TENT5C: variants seen among roughly 807,000 people sequenced by gnomAD.
TENT5C encodes the protein terminal nucleotidyltransferase 5C.
A neutral mutation model predicts 22.2 loss-of-function variants in TENT5C; 5 were observed. The ratio of observed to expected loss-of-function variants is 0.22; its 90% CI spans 0.12 to 0.47. TENT5C has a LOEUF of 0.47. TENT5C is among the 20% of genes least tolerant of loss of function. TENT5C has a pLI of 0.99. For synonymous variants in TENT5C, 199 were observed against 195.4 expected, an observed-to-expected ratio of 1.02 and a Z score of -0.15; for missense variants, 364 against 500.9, an observed-to-expected ratio of 0.73 and a Z score of 2.61.
intron 1 of TENT5C, among the ~76,000 whole-genome samples, chr1:117,608,094 A>C (rs1341114375): frequency 6.6e-6 from 1 of 150,686 alleles, no homozygotes; most frequent in Non-Finnish European, 1.5e-5. Flanking sequence ...AAAAAAAAAA[A>C]CTCTGCCAGG....
At position 117,609,872 on chromosome 1, in the gene TENT5C, C is replaced by A. The variant is rs75193537; in HGVS notation, c.-28+3719C>A. Among the ~76,000 whole-genome samples the A allele has an allele frequency of 3.3e-5, 5 of 152,022 alleles. No homozygotes were observed. The South Asian group carries it at 1.0e-3, about 32-fold the overall frequency. On this transcript the variant is annotated intron_variant, in intron 1 of 1. Transcript: ENST00000369448. The stretch of plus-strand genomic sequence containing the variant: ...TGAAGTGGGAGTTCTCTTGGTGGAC[C>A]GAGGCAGGCAGGCCAATGGCTGAGT...
rs984469565 is a variant in TENT5C, at chr1:117,625,861, A to G, written c.*1817A>G. 4.0e-6 allele frequency: 1 copy of G among 247,988 alleles called. No individual in the cohort carries two copies. Among genetic ancestry groups the G allele is most frequent in the African/African-American group, 2.2e-5 (1 of 45,346 alleles). The allele number at this position is 247,988 out of a possible 1,614,324, so 15.4% of individuals were successfully genotyped here. On this transcript the variant is annotated 3_prime_UTR_variant, in exon 2 of 2. Transcript: ENST00000369448. ...CTATGTTGTGCTACATTAGGTGACT[A>G]GAAGCCACTTCTTAGTGTAATCAGC... is the stretch of plus-strand genomic sequence containing the variant.
intron 1 of TENT5C, among the ~76,000 whole-genome samples, chr1:117,611,603 G>T (rs1653672831): frequency 6.6e-6 from 1 of 152,202 alleles, no homozygotes; most frequent in South Asian, 2.1e-4. Flanking sequence ...GACTTTGGGA[G>T]GCTGAGGCAG....
intron 1 of TENT5C, among the ~76,000 whole-genome samples, chr1:117,614,290 G>A (rs1653729783): frequency 6.6e-6 from 1 of 152,200 alleles, no homozygotes; most frequent in Non-Finnish European, 1.5e-5. Flanking sequence ...TATCCATGTT[G>A]ACCCTGGTTT....
Position 117,627,968 on chromosome 1 carries a change from G to C in TENT5C, c.*3924G>C, listed in dbSNP as rs1173885316. The C allele has an allele frequency of 4.0e-6, 1 of 247,972 alleles. No individual in the cohort carries two copies. The highest frequency in any genetic ancestry group is 2.2e-5 in the African/African-American group (1 of 45,310). 15.4% of individuals were successfully genotyped at this position (247,972 alleles called of 1,614,324 possible). A position where few individuals can be genotyped will look rare whatever the true frequency, so the allele number is the denominator to read the frequency against. On this transcript the variant is annotated 3_prime_UTR_variant, in exon 2 of 2. Transcript: ENST00000369448. ...CTTGGAGTTTTGCCTGGGCTAGTGA[G>C]AGTTGGTGCAAATTCTTGTGTGTGT...
In TENT5C at chr1:117,623,697, G is replaced by A; in HGVS notation, c.829G>A (p.Asp277Asn). The A allele has an allele frequency of 1.2e-6, 2 of 1,614,062 alleles. No individual in the cohort carries two copies. The highest frequency in any genetic ancestry group is 1.7e-6 in the Non-Finnish European group (2 of 1,180,016). The change falls in exon 2 of 2, where the codon GAC becomes AAC. Residue 277 changes from aspartate (D) to asparagine (N), a missense_variant. Asp to Asn is a conservative substitution (Grantham distance 23). Coordinates refer to ENST00000369448, the MANE Select transcript of TENT5C (RefSeq NM_017709.4). ...CTACATGTGCTCCAGGTTCTTCATC[G>A]ACTTCCCGGACATCCTTGAACAGCA... ...ERYMCSRFFI[D>N]FPDILEQQRK...
chr1:117,624,772 AAATGTGG>A lies in TENT5C; in HGVS notation c.*731_*737del, dbSNP rs1342379122. The A allele has an allele frequency of 1.6e-5, 4 of 248,016 alleles. No individual in the cohort carries two copies. Among genetic ancestry groups the A allele is most frequent in the Non-Finnish European group, 3.4e-5 (4 of 118,132 alleles). 15.4% of individuals were successfully genotyped at this position (248,016 alleles called of 1,614,324 possible). A position where few individuals can be genotyped will look rare whatever the true frequency, so the allele number is the denominator to read the frequency against. On this transcript the variant is annotated 3_prime_UTR_variant, in exon 2 of 2. Transcript: ENST00000369448. ...TGAAATGTAACTTGAAAACAAAATA[AAATGTGG>A]AACATAATGTTTAATTAGAATTGTG...
intron 1 of TENT5C, among the ~76,000 whole-genome samples, chr1:117,616,053 C>T (rs950031982): frequency 6.6e-6 from 1 of 152,198 alleles, no homozygotes; most frequent in Non-Finnish European, 1.5e-5. Flanking sequence ...TCCGTGTCCA[C>T]CTCCCATCCA....
In TENT5C at chr1:117,625,963, C is replaced by T. The variant is rs1006303016; in HGVS notation, c.*1919C>T. The T allele has an allele frequency of 4.0e-6, 1 of 247,826 alleles. No individual in the cohort carries two copies. The allele number at this position is 247,826 out of a possible 1,614,324, so 15.4% of individuals were successfully genotyped here. A position where few individuals can be genotyped will look rare whatever the true frequency, so the allele number is the denominator to read the frequency against. ...AAGGCCGGTTCTAATTGAGGGGACC[C>T]AGTGTGCTTCAGTGTTAAGAGTGGG... On this transcript the variant is annotated 3_prime_UTR_variant, in exon 2 of 2. Coordinates refer to ENST00000369448, the MANE Select transcript of TENT5C (RefSeq NM_017709.4).
In TENT5C at chr1:117,623,883, C is replaced by A. The variant is rs865949572; in HGVS notation, c.1015C>A (p.Arg339Ser). The change falls in exon 2 of 2, where the codon CGT (arginine) becomes AGT (serine). Residue 339 changes from arginine (R) to serine (S), a missense_variant. By Grantham distance (110) the Arg-to-Ser change is moderately radical (BLOSUM62 -1). Around this residue, in one of 3 missense-constraint regions of TENT5C, gnomAD observed 54 missense variants for 76.5 expected, o/e 0.71. Coordinates refer to ENST00000369448, the MANE Select transcript of TENT5C (RefSeq NM_017709.4). ...TLNLISLLAL[R>S]VLAEQNIIPS... Reference sequence around the variant, plus strand: ...GAACCTCATCTCCCTCCTGGCCTTGCGTGTGCTGGCGGAACAAAACATCAT... The same window carrying A: ...GAACCTCATCTCCCTCCTGGCCTTGAGTGTGCTGGCGGAACAAAACATCAT... The A allele has an allele frequency of 1.2e-6, 2 of 1,614,030 alleles. No individual in the cohort carries two copies. The highest frequency in any genetic ancestry group is 1.7e-5 in the Admixed American group (1 of 59,996).
At chr1:117,616,826 T>C (rs1002691918) in intron 1 of TENT5C, among the ~76,000 whole-genome samples, 1 of 152,238 alleles carries the variant, frequency 6.6e-6, no homozygotes, top group African/African-American at 2.4e-5. Flanking sequence ...CCTCAATAGC[T>C]GAGAGCCTCA....
At chr1:117,617,877 T>C (rs1052801082) in intron 1 of TENT5C, among the ~76,000 whole-genome samples, 1 of 152,268 alleles carries the variant, frequency 6.6e-6, no homozygotes, top group Non-Finnish European at 1.5e-5. Flanking sequence ...TAAGTAACTT[T>C]AAAATGTACT....
At chr1:117,617,763 A>G (rs1653817165) in intron 1 of TENT5C, among the ~76,000 whole-genome samples, 1 of 152,226 alleles carries the variant, frequency 6.6e-6, no homozygotes, top group East Asian at 1.9e-4. Context: ...TGTTGATTTA[A>G]CGTGGTTAAT....
At chr1:117,622,316 C>CGTGT (rs3050944) in intron 1 of TENT5C, among the ~76,000 whole-genome samples, 2 of 149,438 alleles carry the variant, frequency 1.3e-5, no homozygotes, top group African/African-American at 2.5e-5. Context: ...TGAAGGAAGT[C>CGTGT]GTGTGTGTGT....
In TENT5C at chr1:117,624,317, T is replaced by C; in HGVS notation, c.*273T>C. 2.2e-6 allele frequency: 1 copy of C among 447,478 alleles called. No individual in the cohort carries two copies. The highest frequency in any genetic ancestry group is 3.9e-5 in the Admixed American group (1 of 25,580). The allele number at this position is 447,478 out of a possible 1,614,324, so 27.7% of individuals were successfully genotyped here. On this transcript the variant is annotated 3_prime_UTR_variant, in exon 2 of 2. Coordinates refer to ENST00000369448, the MANE Select transcript of TENT5C (RefSeq NM_017709.4). ...TCTTTCCAAGATAGACACTAACATG[T>C]CATGTCCCAAACATTAGCACGTGGG... is the stretch of plus-strand genomic sequence containing the variant.
intron 1 of TENT5C, among the ~76,000 whole-genome samples, chr1:117,611,822 T>G (rs1472980239): frequency 6.6e-6 from 1 of 152,212 alleles, no homozygotes; most frequent in Non-Finnish European, 1.5e-5. Context: ...ACTGCAGCCT[T>G]GGCAATAGGG....
In TENT5C at chr1:117,620,157, A is replaced by G. The variant is rs570285469; in HGVS notation, c.-27-2685A>G. On this transcript the variant is annotated intron_variant, in intron 1 of 1. Coordinates refer to ENST00000369448, the MANE Select transcript of TENT5C (RefSeq NM_017709.4). Reference sequence around the variant, plus strand: ...ACTAGTCTCAGATGTCCCTCCTCTAATGTTCAGAACCACCATTGTAGCGTA... The same window carrying G: ...ACTAGTCTCAGATGTCCCTCCTCTAGTGTTCAGAACCACCATTGTAGCGTA... Among the ~76,000 whole-genome samples, 208 of 152,272 alleles carry G rather than the reference A, an allele frequency of 1.4e-3. 1 individual carries two copies. The highest frequency in any genetic ancestry group is 5.0e-3 in the African/African-American group (206 of 41,558).
intron 1 of TENT5C, among the ~76,000 whole-genome samples, chr1:117,609,206 ACGCTTTCAT>A: frequency 6.6e-6 from 1 of 152,220 alleles, no homozygotes; most frequent in Non-Finnish European, 1.5e-5. Flanking sequence ...AAACGTTTTT[ACGCTTTCAT>A]TGCAGGCCGC....
chr1:117,609,591 G>A (rs1175400154), intron 1 of TENT5C, among the ~76,000 whole-genome samples: 1 of 152,172 alleles, frequency 6.6e-6, no homozygotes, highest in Non-Finnish European at 1.5e-5. Flanking sequence ...TGCTGAGGAC[G>A]CCAAGGCAGT....
Sources: allele counts gnomAD v4.1 joint callset (sites outside exome capture counted in the v4.1 genomes callset), GRCh38; gene constraint gnomAD v4.1.1; regional missense constraint gnomAD v4.1.1; transcripts MANE v1.5; gene names NCBI Gene and HGNC (gene_info 2026-07-23, HGNC 2026-07-21).